RMDN2: variants seen among roughly 807,000 people sequenced by gnomAD.
RMDN2 encodes the protein regulator of microtubule dynamics protein 2.
Under a neutral mutation model 52.8 loss-of-function variants are expected in RMDN2, and 61 were observed. That is an observed-to-expected ratio of 1.16 (90% confidence interval 0.94 to 1.43). The LOEUF is 1.43. Among genes scored for constraint, RMDN2 ranks in the 40% most tolerant of loss-of-function variants. The pLI is 0.00. For synonymous variants in RMDN2, 180 were observed against 153.1 expected, an observed-to-expected ratio of 1.18 and a Z score of -1.30; for missense variants, 592 against 475.3, an observed-to-expected ratio of 1.25 and a Z score of -2.28.
chr2:37,991,135 CT>C, intron 6 of RMDN2, 84 bp from the exon 7 acceptor site: 1 of 610,274 alleles, frequency 1.6e-6, no homozygotes. Context: ...TTTAAAACCA[CT>C]TTTGAGTTAC....
chr2:38,011,132 T>G (rs1021916132), intron 10 of RMDN2, among the ~76,000 whole-genome samples: 3 of 151,954 alleles, frequency 2.0e-5, no homozygotes, highest in Non-Finnish European at 4.4e-5. Flanking sequence ...GTAAGGGGAG[T>G]GACCATGGGT....
chr2:38,051,417 G>C (rs1681591849), intron 10 of RMDN2, among the ~76,000 whole-genome samples: 1 of 152,106 alleles, frequency 6.6e-6, no homozygotes, highest in Non-Finnish European at 1.5e-5. Flanking sequence ...TCTATTCGTA[G>C]TATTTGTACA....
chr2:38,007,702 T>A (rs1677318118), intron 10 of RMDN2, among the ~76,000 whole-genome samples: 1 of 152,208 alleles, frequency 6.6e-6, no homozygotes, highest in South Asian at 2.1e-4. Flanking sequence ...TGTCTCTGTT[T>A]CCTTCAGTTC....
At chr2:38,062,872 G>GT (rs1317183424) in intron 10 of RMDN2, among the ~76,000 whole-genome samples, 2 of 149,800 alleles carry the variant, frequency 1.3e-5, no homozygotes, top group African/African-American at 4.9e-5. Context: ...GCGGTGTTTG[G>GT]TTTTTTGTCC....
intron 6 of RMDN2, among the ~76,000 whole-genome samples, chr2:37,990,394 C>T (rs983770272): frequency 4.6e-5 from 7 of 151,234 alleles, no homozygotes; most frequent in African/African-American, 1.2e-4. Flanking sequence ...TGGCGGGCGC[C>T]TGTAATCCCA....
Position 38,012,820 on chromosome 2 carries a change from C to G in RMDN2, c.1180-4366C>G, listed in dbSNP as rs73926955. Among the ~76,000 whole-genome samples the G allele has an allele frequency of 2.2e-3, 334 of 152,310 alleles. 2 individuals carry two copies. The highest frequency in any genetic ancestry group is 7.7e-3 in the African/African-American group (318 of 41,560). On this transcript the variant is annotated intron_variant, in intron 10 of 10. Coordinates refer to ENST00000354545, the MANE Select transcript of RMDN2 (RefSeq NM_001170791.3). ...AAATGTCTAGCAATGCCACTAGTTA[C>G]AAGAGGACAACCTAGCCATCAGTTT...
intron 10 of RMDN2, chr2:38,066,915 TC>T: frequency 6.5e-7 from 1 of 1,530,430 alleles, no homozygotes; most frequent in Non-Finnish European, 9.1e-7. Flanking sequence ...AAAGTGAGGT[TC>T]CCACGCCAAA....
chr2:37,990,259 C>A (rs921135715), intron 6 of RMDN2, among the ~76,000 whole-genome samples: 2 of 151,702 alleles, frequency 1.3e-5, no homozygotes, highest in African/African-American at 4.8e-5. Flanking sequence ...TGGCTCACAC[C>A]TGTAATCACA....
intron 10 of RMDN2, among the ~76,000 whole-genome samples, chr2:38,047,050 G>T (rs1392779485): frequency 1.3e-5 from 2 of 151,150 alleles, no homozygotes; most frequent in African/African-American, 2.4e-5. Flanking sequence ...ATTATGAAAG[G>T]AAACAACTGT....
chr2:38,024,270 G>A (rs983357624), intron 10 of RMDN2, among the ~76,000 whole-genome samples: 8 of 152,142 alleles, frequency 5.3e-5, no homozygotes, highest in Admixed American at 1.3e-4. Context: ...GTCTTCGAAT[G>A]TACATATACT....
At chr2:37,996,756 C>G (rs1014700370) in intron 7 of RMDN2, among the ~76,000 whole-genome samples, 4 of 151,944 alleles carry the variant, frequency 2.6e-5, no homozygotes, top group Non-Finnish European at 4.4e-5. Flanking sequence ...GAATGAACAT[C>G]TAATATTTAT....
At chr2:38,017,779 C>T (rs1012940357), downstream of RMDN2, 7 of 280,184 alleles carry the variant, frequency 2.5e-5, no homozygotes, top group African/African-American at 1.4e-4. Context: ...AAGAGACCAC[C>T]AAACAGGCTT....
chr2:37,961,923 A>T (rs1670292719), intron 2 of RMDN2, among the ~76,000 whole-genome samples: 1 of 152,098 alleles, frequency 6.6e-6, no homozygotes, highest in Non-Finnish European at 1.5e-5. Flanking sequence ...TCTGTTTGTT[A>T]GTTTTCCTTC....
At chr2:37,940,398 C>T (rs1209332260) in intron 2 of RMDN2, among the ~76,000 whole-genome samples, 2 of 152,016 alleles carry the variant, frequency 1.3e-5, no homozygotes, top group African/African-American at 4.8e-5. Context: ...TTGTGGTGTT[C>T]TCTGTATTTC....
chr2:38,050,353 A>T (rs552508830), intron 10 of RMDN2, among the ~76,000 whole-genome samples: 143 of 151,702 alleles, frequency 9.4e-4, no homozygotes, highest in African/African-American at 2.7e-3. Flanking sequence ...CTATTAAAAA[A>T]AAAAATAAAA....
intron 10 of RMDN2, among the ~76,000 whole-genome samples, chr2:38,052,057 T>C (rs549632516): frequency 1.3e-5 from 2 of 152,350 alleles, no homozygotes; most frequent in South Asian, 4.1e-4. Flanking sequence ...CTGGATTGTA[T>C]GCTAGTTCCA....
chr2:37,920,937 G>GA (rs1666014129), upstream of RMDN2, among the ~76,000 whole-genome samples: 1 of 152,216 alleles, frequency 6.6e-6, no homozygotes, highest in African/African-American at 2.4e-5. Context: ...AAATACTGCG[G>GA]AAAACCACTG....
chr2:38,010,519 G>A (rs568150880), intron 10 of RMDN2, among the ~76,000 whole-genome samples: 78 of 152,338 alleles, frequency 5.1e-4, no homozygotes, highest in African/African-American at 1.5e-3. Context: ...CCAGGAGAGG[G>A]ATATAATCTC....
rs1196231324 is a variant in RMDN2 at position 37,942,202 on chromosome 2, C to T, written c.452+12473C>T. ...TTCCTGGGTGAGGCGAAATCCCACC[C>T]GGCTTCACCTCACCCTCCATAGGCT... On this transcript the variant is annotated intron_variant, in intron 2 of 10. Transcript: ENST00000354545. 9.2e-5 allele frequency among the ~76,000 whole-genome samples: 14 copies of T among 152,230 alleles called. No homozygotes were observed. In the East Asian group the frequency reaches 1.5e-3, roughly 17 times the overall value.
Sources: gnomAD v4.1 joint callset for allele counts (sites outside exome capture counted in the v4.1 genomes callset) on GRCh38, gnomAD v4.1.1 for gene constraint, MANE v1.5 for transcripts, NCBI Gene and HGNC (gene_info 2026-07-23, HGNC 2026-07-21) for gene names.